Variants in OPRM1 observed in about 807,000 individuals in gnomAD.
OPRM1 encodes mu-type opioid receptor.
In OPRM1, 27 loss-of-function variants were observed where a neutral mutation model predicts 31.8. The ratio of observed to expected loss-of-function variants is 0.85; its 90% CI spans 0.63 to 1.17. The LOEUF (loss-of-function observed/expected upper bound fraction) is 1.17, where lower values mean the gene tolerates loss of function less well. Among genes scored for constraint, OPRM1 ranks in the 50% most tolerant of loss-of-function variants. The pLI, the probability that OPRM1 is intolerant of heterozygous loss-of-function variation, is 0.00. For synonymous variants in OPRM1, 196 were observed against 189.9 expected, an observed-to-expected ratio of 1.03 and a Z score of -0.26; for missense variants, 536 against 511.1, an observed-to-expected ratio of 1.05 and a Z score of -0.47.
intron 3 of OPRM1, among the ~76,000 whole-genome samples, chr6:154,178,546 C>A (rs1296760104): frequency 6.6e-6 from 1 of 152,044 alleles, no homozygotes; most frequent in East Asian, 1.9e-4. Context: ...TTGGGTTGGG[C>A]AACTGTGTAT....
chr6:154,148,845 C>T (rs376830915), intron 3 of OPRM1, among the ~76,000 whole-genome samples: 217 of 152,318 alleles, frequency 1.4e-3, no homozygotes, highest in Non-Finnish European at 2.0e-3. Flanking sequence ...TTGGCTTGAA[C>T]ATTTAGAAAC....
intron 3 of OPRM1, among the ~76,000 whole-genome samples, chr6:154,144,392 A>G (rs1798305494): frequency 6.6e-6 from 1 of 152,248 alleles, no homozygotes; most frequent in South Asian, 2.1e-4. Context: ...CATCCTGAAT[A>G]AAGAAGTTAA....
intron 3 of OPRM1, among the ~76,000 whole-genome samples, chr6:154,118,312 A>T (rs1797085879): frequency 6.6e-6 from 1 of 152,240 alleles, no homozygotes; most frequent in Admixed American, 6.5e-5. Flanking sequence ...TTTTTCTTTC[A>T]AAATTTTGAT....
chr6:154,137,742 C>G (rs745973718), intron 3 of OPRM1, among the ~76,000 whole-genome samples: 12 of 152,078 alleles, frequency 7.9e-5, no homozygotes, highest in Non-Finnish European at 1.6e-4. Flanking sequence ...AAGGAAACAC[C>G]ATTTCAGCCA....
upstream of OPRM1, among the ~76,000 whole-genome samples, chr6:154,037,732 T>C (rs1419580165): frequency 1.3e-5 from 2 of 152,130 alleles, no homozygotes; most frequent in Non-Finnish European, 2.9e-5. Context: ...GAGGTGAATA[T>C]TATTAGCCTA....
intron 3 of OPRM1, among the ~76,000 whole-genome samples, chr6:154,097,329 T>C (rs1190788232): frequency 1.3e-5 from 2 of 152,174 alleles, no homozygotes; most frequent in Non-Finnish European, 2.9e-5. Context: ...GTGAACTATA[T>C]TATCCCCAGC....
intron 1 of OPRM1, among the ~76,000 whole-genome samples, chr6:154,051,213 G>T (rs1415923668): frequency 6.6e-6 from 1 of 152,052 alleles, no homozygotes; most frequent in African/African-American, 2.4e-5. Context: ...AGCAAACTTT[G>T]GAAAAATTTA....
At position 154,039,605 on chromosome 6, in the gene OPRM1, A is replaced by G. The variant is rs757930794; in HGVS notation, c.61A>G (p.Ser21Gly). Reference protein sequence around the residue: ...SNCTDALAYSSCSPAPSPGSW... With the variant: ...SNCTDALAYSGCSPAPSPGSW... Reference sequence around the variant, plus strand: ...TTGCACTGATGCCTTGGCGTACTCAAGTTGCTCCCCAGCACCCAGCCCCGG... The same window carrying G: ...TTGCACTGATGCCTTGGCGTACTCAGGTTGCTCCCCAGCACCCAGCCCCGG... The change falls in exon 1 of 4, where the codon AGT becomes GGT. Residue 21 changes from serine (S) to glycine (G), a missense_variant. Ser to Gly is a moderately conservative substitution (Grantham distance 56, BLOSUM62 0). Transcript: ENST00000330432. The G allele has an allele frequency of 3.7e-6, 6 of 1,613,936 alleles. No homozygotes were observed. The South Asian group carries it at 6.6e-5, about 18-fold the overall frequency.
At chr6:154,106,396 A>G (rs1795579896) in intron 3 of OPRM1, among the ~76,000 whole-genome samples, 1 of 152,244 alleles carries the variant, frequency 6.6e-6, no homozygotes, top group African/African-American at 2.4e-5. Flanking sequence ...TGCAGATAAG[A>G]GCTGGCTCTC....
chr6:154,179,820 CCCTTCTAGA>C (rs1167514558), intron 3 of OPRM1, among the ~76,000 whole-genome samples: 2 of 152,178 alleles, frequency 1.3e-5, no homozygotes, highest in African/African-American at 4.8e-5. Context: ...CAGAATCATG[CCCTTCTAGA>C]CCACTCCTCT....
At chr6:154,221,459 T>C (rs1373420736) in intron 3 of OPRM1, 4 of 700,096 alleles carry the variant, frequency 5.7e-6, no homozygotes, top group Non-Finnish European at 9.6e-6. Context: ...AAAAATAATT[T>C]AGTAATATTA....
At chr6:154,066,896 C>T (rs1785529666) in intron 1 of OPRM1, among the ~76,000 whole-genome samples, 1 of 152,118 alleles carries the variant, frequency 6.6e-6, no homozygotes, top group African/African-American at 2.4e-5. Flanking sequence ...TAGACTATTA[C>T]AGTAGTTTTT....
chr6:154,152,336 AAAGAAAGAAAG>A (rs1562510637), intron 3 of OPRM1, among the ~76,000 whole-genome samples: 5 of 12,618 alleles, frequency 4.0e-4, no homozygotes, highest in South Asian at 3.7e-3. Flanking sequence ...AGAAAGAAAG[AAAGAAAGAAAG>A]GAAAGAAAGA....
At chr6:154,211,493 C>T (rs2128604959) in intron 3 of OPRM1, among the ~76,000 whole-genome samples, 1 of 151,672 alleles carries the variant, frequency 6.6e-6, no homozygotes, top group Middle Eastern at 3.5e-3. Flanking sequence ...ACTCACTGGA[C>T]ACTTGAGCAT....
At chr6:154,180,414 A>ATATATATATATATATATTTTTTTTT (rs1241250621) in intron 3 of OPRM1, among the ~76,000 whole-genome samples, 5 of 65,262 alleles carry the variant, frequency 7.7e-5, no homozygotes, top group African/African-American at 1.9e-4. Flanking sequence ...ATATATATAT[A>ATATATATATATATATATTTTTTTTT]TTTTTTTTTT....
rs372033920 is a variant in OPRM1 at position 154,107,587 on chromosome 6, G to A, written c.1165-11096G>A. The A allele has an allele frequency of 7.0e-5, 50 of 718,400 alleles. No individual in the cohort carries two copies. In the African/African-American group the frequency reaches 8.2e-4, roughly 12 times the overall value. 44.5% of individuals were successfully genotyped at this position (718,400 alleles called of 1,614,324 possible). ...AGAGCATTAATTTTGAGTTTGCAAA[G>A]GCTTGTAACTATTTCATATGATTTT... On this transcript the variant is annotated intron_variant, in intron 3 of 3. Transcript: ENST00000330432.
rs972892962 is a variant in OPRM1 at position 154,091,508 on chromosome 6, G to A, written c.1164+36G>A. The A allele has an allele frequency of 1.3e-6, 2 of 1,568,282 alleles. No individual in the cohort carries two copies. The highest frequency in any genetic ancestry group is 1.7e-6 in the Non-Finnish European group (2 of 1,164,878). ...TCTAGAATTAGGTATATCTACTGGGGATGACATAAAAATTATAAGGCTTTG... is the reference window on the plus strand; with the variant it reads ...TCTAGAATTAGGTATATCTACTGGGAATGACATAAAAATTATAAGGCTTTG... On this transcript the variant is annotated intron_variant, in intron 3 of 3. Transcript: ENST00000330432.
intron 3 of OPRM1, among the ~76,000 whole-genome samples, chr6:154,195,147 C>CTTTT (rs10719288): frequency 3.3e-5 from 4 of 122,894 alleles, no homozygotes; most frequent in East Asian, 2.3e-4. Context: ...TCTTTTCTTT[C>CTTTT]TTTTTTTTTT....
At chr6:154,055,063 A>G (rs1235723346) in intron 1 of OPRM1, among the ~76,000 whole-genome samples, 2 of 152,226 alleles carry the variant, frequency 1.3e-5, no homozygotes, top group Non-Finnish European at 2.9e-5. Context: ...AGATTTGGAT[A>G]ATAAAAAATA....
Sources: allele counts gnomAD v4.1 joint callset (sites outside exome capture counted in the v4.1 genomes callset), GRCh38; gene constraint gnomAD v4.1.1; transcripts MANE v1.5; gene names NCBI Gene and HGNC (gene_info 2026-07-23, HGNC 2026-07-21).